Variants in ZNF836 observed in about 807,000 individuals in gnomAD.
ZNF836 encodes zinc finger protein 836.
In ZNF836, 12 loss-of-function variants were observed where a neutral mutation model predicts 7.4. The ratio of observed to expected loss-of-function variants is 1.61; its 90% CI spans 1.03 to 2.61. The LOEUF is 2.61. Among genes scored for constraint, ZNF836 ranks in the 30% most tolerant of loss-of-function variants. The pLI, the probability that ZNF836 is intolerant of heterozygous loss-of-function variation, is 0.00. For synonymous variants in ZNF836, 365 were observed against 382.6 expected (o/e 0.95, Z 0.54); for missense variants, 998 against 1,126.2 (o/e 0.89, Z 1.63).
At chr19:52,163,878 T>G (rs183760188) in intron 3 of ZNF836, among the ~76,000 whole-genome samples, 445 of 151,908 alleles carry the variant, frequency 2.9e-3, no homozygotes, top group African/African-American at 0.01. Context: ...CCTCTTCAAT[T>G]AGGAGATGAC....
chr19:52,167,169 T>C (rs992048194), intron 3 of ZNF836, among the ~76,000 whole-genome samples: 16 of 151,938 alleles, frequency 1.1e-4, no homozygotes, highest in African/African-American at 3.9e-4. Context: ...AGGTTGATTT[T>C]ATATTTTAAA....
At position 52,155,576 on chromosome 19, in the gene ZNF836, A is replaced by G. The variant is rs538244435; in HGVS notation, c.2107T>C (p.Phe703Leu). Residue 703 changes from phenylalanine to leucine, a missense_variant, in exon 5 of 5, where the codon TTT (phenylalanine) becomes CTT (leucine). Transcript: ENST00000682614. ...PYNCNEFGGA[F>L]IQSSKLARYH... ...CTTGCAAGTTTTGAACTTTGGATAAATGCCCCTCCAAACTCATTACAATTG... is the reference window on the plus strand; with the variant it reads ...CTTGCAAGTTTTGAACTTTGGATAAGTGCCCCTCCAAACTCATTACAATTG... 2.9e-5 allele frequency: 47 copies of G among 1,613,928 alleles called. 1 individual carries two copies. The South Asian group carries it at 3.6e-4, about 12-fold the overall frequency.
At chr19:52,165,644 G>A (rs1169226821) in intron 3 of ZNF836, among the ~76,000 whole-genome samples, 1 of 152,134 alleles carries the variant, frequency 6.6e-6, no homozygotes, top group Non-Finnish European at 1.5e-5. Flanking sequence ...CCCCCAGGTT[G>A]GGCACTTGAA....
Position 52,154,509 on chromosome 19 carries a change from A to C in ZNF836, c.*363T>G, listed in dbSNP as rs922334033. Reference sequence around the variant, plus strand: ...CTCCATGTCTACTAAAAATACAAAAATTAGCCAGGCATGGTGGTGTGCACC... The same window carrying C: ...CTCCATGTCTACTAAAAATACAAAACTTAGCCAGGCATGGTGGTGTGCACC... On this transcript the variant is annotated 3_prime_UTR_variant, in exon 5 of 5. Transcript: ENST00000682614. 1 of 162,212 alleles carries C rather than the reference A, an allele frequency of 6.2e-6. No individual in the cohort carries two copies. The highest frequency in any genetic ancestry group is 1.4e-5 in the Non-Finnish European group (1 of 73,864). The allele number at this position is 162,212 out of a possible 1,614,324, so 10.0% of individuals were successfully genotyped here.
intron 3 of ZNF836, chr19:52,165,079 G>A (rs2089250951): frequency 6.6e-6 from 1 of 152,240 alleles, no homozygotes; most frequent in Non-Finnish European, 1.5e-5. Flanking sequence ...AACAGAGCCA[G>A]ATTCCATCAC....
chr19:52,164,150 G>A (rs781142105), intron 3 of ZNF836, among the ~76,000 whole-genome samples: 42 of 151,882 alleles, frequency 2.8e-4, no homozygotes, highest in Non-Finnish European at 4.6e-4. Flanking sequence ...CCAGCACTTT[G>A]GGGAGCCAAG....
intron 3 of ZNF836, among the ~76,000 whole-genome samples, chr19:52,166,562 G>A (rs2089265454): frequency 1.4e-5 from 2 of 145,738 alleles, no homozygotes; most frequent in South Asian, 4.3e-4. Context: ...TCATCTTCAT[G>A]TTGTACCAAC....
Position 52,155,661 on chromosome 19 carries a change from G to A in ZNF836, c.2022C>T (p.Ala674=). ...KPYKCNDCGK[A]YTQRSSLTKH... ...TAGTGAGGCTTGAACGCTGAGTATA[G>A]GCTTTGCCACAATCATTACATTTGT... Residue 674 remains alanine, a synonymous_variant, in exon 5 of 5, where the codon GCC becomes GCT. Coordinates refer to ENST00000682614, the MANE Select transcript of ZNF836 (RefSeq NM_001102657.3). The A allele has an allele frequency of 6.2e-7, 1 of 1,614,096 alleles. No homozygotes were observed. The highest frequency in any genetic ancestry group is 1.7e-5 in the Admixed American group (1 of 60,022).
At chr19:52,167,813 C>G (rs2089278965) in intron 3 of ZNF836, among the ~76,000 whole-genome samples, 1 of 152,140 alleles carries the variant, frequency 6.6e-6, no homozygotes, top group African/African-American at 2.4e-5. Flanking sequence ...TACCCCGTCT[C>G]CATCCGTGTC....
At chr19:52,166,575 CTTTT>C (rs56320677) in intron 3 of ZNF836, among the ~76,000 whole-genome samples, 1 of 133,168 alleles carries the variant, frequency 7.5e-6, no homozygotes, top group East Asian at 2.1e-4. Flanking sequence ...GTACCAACTT[CTTTT>C]TTTTTTTTTT....
In ZNF836 at chr19:52,154,777, C is replaced by G. The variant is rs531480311; in HGVS notation, c.*95G>C. ...ATCCACCCCTGTGATCCAATCATCTCCCACCAGGCCCCACCTCCAATAAAG... is the reference window on the plus strand; with the variant it reads ...ATCCACCCCTGTGATCCAATCATCTGCCACCAGGCCCCACCTCCAATAAAG... On this transcript the variant is annotated 3_prime_UTR_variant, in exon 5 of 5. Transcript: ENST00000682614. 4.3e-6 allele frequency: 5 copies of G among 1,155,376 alleles called. No homozygotes were observed. In the South Asian group the frequency reaches 9.0e-5, roughly 21 times the overall value. The allele number at this position is 1,155,376 out of a possible 1,614,324, so 71.6% of individuals were successfully genotyped here. A position where few individuals can be genotyped will look rare whatever the true frequency, so the allele number is the denominator to read the frequency against.
chr19:52,165,426 T>C (rs1369016371), intron 3 of ZNF836: 2 of 152,246 alleles, frequency 1.3e-5, no homozygotes, highest in Non-Finnish European at 2.9e-5. Context: ...TAGTGTTTAT[T>C]AACATAAAAA....
At position 52,156,373 on chromosome 19, in the gene ZNF836, GTATGGAT is replaced by G; in HGVS notation, c.1303_1309del (p.Ile435GlnfsTer82). 4 of 1,614,204 alleles carry G rather than the reference GTATGGAT, an allele frequency of 2.5e-6. No individual in the cohort carries two copies. Among genetic ancestry groups the G allele is most frequent in the Non-Finnish European group, 3.4e-6 (4 of 1,180,028 alleles). On this transcript the variant is annotated frameshift_variant, in exon 5 of 5. Coordinates refer to ENST00000682614, the MANE Select transcript of ZNF836 (RefSeq NM_001102657.3). LOFTEE classifies it low-confidence loss of function (END_TRUNC). The stretch of plus-strand genomic sequence containing the variant: ...ATCACATGTATATGGTTTCTCTCCT[GTATGGAT>G]TATCTGATGTGTAGTGAGGCTGGAG...
chr19:52,158,838 T>C (rs1018575181), intron 4 of ZNF836, among the ~76,000 whole-genome samples: 1 of 152,206 alleles, frequency 6.6e-6, no homozygotes, highest in East Asian at 1.9e-4. Context: ...TATTGACTTA[T>C]GTCTGCCAAA....
At chr19:52,167,072 A>C (rs1335499830) in intron 3 of ZNF836, among the ~76,000 whole-genome samples, 2 of 152,030 alleles carry the variant, frequency 1.3e-5, no homozygotes, top group Non-Finnish European at 1.5e-5. Flanking sequence ...ACCTTTTTAC[A>C]TAAAACAACT....
rs1370876052 is a variant in ZNF836 at position 52,154,427 on chromosome 19, G to A, written c.*445C>T. ...TATAATCCCAGCACTTTGGGAGGCCGAGGCAGGCAGATCACTAGGTCAAGA... is the reference window on the plus strand; with the variant it reads ...TATAATCCCAGCACTTTGGGAGGCCAAGGCAGGCAGATCACTAGGTCAAGA... On this transcript the variant is annotated 3_prime_UTR_variant, in exon 5 of 5. Coordinates refer to ENST00000682614, the MANE Select transcript of ZNF836 (RefSeq NM_001102657.3). Among the ~76,000 whole-genome samples, 2 of 152,072 alleles carry A rather than the reference G, an allele frequency of 1.3e-5. No homozygotes were observed. The highest frequency in any genetic ancestry group is 2.1e-4 in the South Asian group (1 of 4,826).
intron 3 of ZNF836, among the ~76,000 whole-genome samples, chr19:52,162,530 G>A (rs1043886028): frequency 6.6e-6 from 1 of 152,224 alleles, no homozygotes; most frequent in Non-Finnish European, 1.5e-5. Flanking sequence ...TGAACAAAGC[G>A]GGTGAACGCG....
In ZNF836 at chr19:52,155,401, G is replaced by C; in HGVS notation, c.2282C>G (p.Ser761Cys). 1 of 1,613,272 alleles carries C rather than the reference G, an allele frequency of 6.2e-7. No individual in the cohort carries two copies. Among genetic ancestry groups the C allele is most frequent in the Non-Finnish European group, 8.5e-7 (1 of 1,179,802 alleles). ...CCGATGCCTTGCAAGGTTCGAAGTG[G>C]AATTAAAGACCTGGCCACATTCAAT... Reference protein sequence around the residue: ...KCIECGQVFNSTSNLARHRRI... With the variant: ...KCIECGQVFNCTSNLARHRRI... Residue 761 changes from serine (S) to cysteine (C), a missense_variant, in exon 5 of 5, where the codon TCC (serine) becomes TGC (cysteine). Coordinates refer to ENST00000682614, the MANE Select transcript of ZNF836 (RefSeq NM_001102657.3).
intron 3 of ZNF836, among the ~76,000 whole-genome samples, chr19:52,162,880 T>C (rs534325909): frequency 6.6e-6 from 1 of 152,294 alleles, no homozygotes; most frequent in South Asian, 2.1e-4. Context: ...TGCTGTTTGA[T>C]CATATAGCCT....
Sources: gnomAD v4.1 joint callset for allele counts (sites outside exome capture counted in the v4.1 genomes callset) on GRCh38, gnomAD v4.1.1 for gene constraint, MANE v1.5 for transcripts, NCBI Gene and HGNC (gene_info 2026-07-23, HGNC 2026-07-21) for gene names.